CCDC39: variants seen among roughly 807,000 people sequenced by gnomAD.
CCDC39 encodes coiled-coil domain-containing protein 39.
In CCDC39, 113 loss-of-function variants were observed where a neutral mutation model predicts 121.0. The observed-to-expected ratio is 0.93, with a 90% CI of 0.80 to 1.09. The LOEUF (loss-of-function observed/expected upper bound fraction) is 1.09. Ranked by LOEUF, CCDC39 falls within the 50% of genes least tolerant of loss-of-function variation. The probability of loss-of-function intolerance (pLI) is 0.00; values close to 1 mark genes in which losing one functional copy is unlikely to be tolerated. For missense variants in CCDC39, 1,063 were observed against 1,074.7 expected (o/e 0.99, Z 0.15); for synonymous variants, 349 against 352.2 (o/e 0.99, Z 0.10).
rs140931937 is a variant in CCDC39, at chr3:180,669,088, T to A, written c.91-5102A>T. On this transcript the variant is annotated intron_variant, in intron 1 of 19. Transcript: ENST00000476379. The stretch of plus-strand genomic sequence containing the variant: ...TTCATAACTCTTTTTTCAAAACAAA[T>A]AGCAATAGACCATTCATTAAATAGT... Among the ~76,000 whole-genome samples the A allele has an allele frequency of 4.0e-3, 608 of 152,300 alleles. 10 individuals are homozygous for A. Among genetic ancestry groups the A allele is most frequent in the African/African-American group, 0.014 (577 of 41,570 alleles).
chr3:180,664,748 T>A (rs1272620789), intron 1 of CCDC39, among the ~76,000 whole-genome samples: 2 of 150,736 alleles, frequency 1.3e-5, no homozygotes, highest in East Asian at 1.9e-4. Flanking sequence ...CAGGCTGGAG[T>A]GCAGTGGCGC....
intron 11 of CCDC39, 44 bp from the exon 12 acceptor site, chr3:180,644,301 T>G (rs1718024409): frequency 8.2e-7 from 1 of 1,223,594 alleles, no homozygotes. Flanking sequence ...TTTTAAATAT[T>G]GACAAAAATA....
chr3:180,633,456 T>C (rs1717747526), intron 13 of CCDC39, among the ~76,000 whole-genome samples: 1 of 151,972 alleles, frequency 6.6e-6, no homozygotes, highest in African/African-American at 2.4e-5. Context: ...AAAGGACTAA[T>C]GAAAGAATAA....
At position 180,677,166 on chromosome 3, in the gene CCDC39, TTTTATATATATATATATATATATATA is replaced by T. The variant is rs1183562947; in HGVS notation, c.90+2099_90+2124del. Among the ~76,000 whole-genome samples, 15 of 40,920 alleles carry T rather than the reference TTTTATATATATATATATATATATATA, an allele frequency of 3.7e-4. 1 individual carries two copies. Among genetic ancestry groups the T allele is most frequent in the African/African-American group, 1.7e-3 (15 of 8,664 alleles). 26.8% of individuals were successfully genotyped at this position (40,920 alleles called of 152,430 possible). A position where few individuals can be genotyped will look rare whatever the true frequency, so the allele number is the denominator to read the frequency against. On this transcript the variant is annotated intron_variant, in intron 1 of 19. Coordinates refer to ENST00000476379, the MANE Select transcript of CCDC39 (RefSeq NM_181426.2). ...ATTATAATAATAATAATAATAATAATTTTATATATATATATATATATATATATATATATATATATATATATATATAA... is the reference window on the plus strand; with the variant it reads ...ATTATAATAATAATAATAATAATAATTATATATATATATATATATATATAA...
At chr3:180,675,395 C>T (rs180783300) in intron 1 of CCDC39, among the ~76,000 whole-genome samples, 26 of 152,152 alleles carry the variant, frequency 1.7e-4, no homozygotes, top group East Asian at 1.4e-3. Context: ...GTCTTGCTAG[C>T]GGTCTATCAA....
At chr3:180,622,783 T>C (rs1717460528) in intron 14 of CCDC39, among the ~76,000 whole-genome samples, 1 of 152,130 alleles carries the variant, frequency 6.6e-6, no homozygotes, top group African/African-American at 2.4e-5. Flanking sequence ...TGGTGTATTA[T>C]CTTCCTGATG....
intron 1 of CCDC39, among the ~76,000 whole-genome samples, chr3:180,665,274 T>G (rs2108431634): frequency 6.6e-6 from 1 of 152,282 alleles, no homozygotes; most frequent in South Asian, 2.1e-4. Flanking sequence ...TTAAACAAAA[T>G]AAATCCTTGG....
At chr3:180,655,058 C>A (rs1338506577) in intron 6 of CCDC39, 105 bp from the exon 7 acceptor site, 5 of 673,622 alleles carry the variant, frequency 7.4e-6, no homozygotes, top group Admixed American at 4.1e-5. Flanking sequence ...ACTTATTTTA[C>A]CAAAACTTCT....
intron 2 of CCDC39, among the ~76,000 whole-genome samples, chr3:180,662,986 A>T (rs145334516): frequency 6.6e-6 from 1 of 152,210 alleles, no homozygotes; most frequent in Non-Finnish European, 1.5e-5. Context: ...GCTGGGCATC[A>T]TTAGGGAGTG....
chr3:180,623,616 C>A (rs1717485384), intron 14 of CCDC39, among the ~76,000 whole-genome samples: 1 of 151,790 alleles, frequency 6.6e-6, no homozygotes, highest in Admixed American at 6.6e-5. Flanking sequence ...CCTTAGCATT[C>A]CTTTTGCTCT....
chr3:180,617,574 G>C (rs903950002), intron 16 of CCDC39: 24 of 539,022 alleles, frequency 4.5e-5, no homozygotes, highest in Non-Finnish European at 7.3e-5. Context: ...GTAGGCTTAG[G>C]TTTATGTGTG....
At position 180,659,776 on chromosome 3, in the gene CCDC39, T is replaced by A. The variant is rs1336579997; in HGVS notation, c.517-7A>T. 7.7e-6 allele frequency: 12 copies of A among 1,564,752 alleles called. No individual in the cohort carries two copies. The highest frequency in any genetic ancestry group is 1.1e-5 in the Non-Finnish European group (12 of 1,138,826). The stretch of plus-strand genomic sequence containing the variant: ...CTAATTGCAGAGTCAGTGCCTATGA[T>A]GTAATTATATACAGATACTTATAAT... On this transcript the variant is annotated splice_polypyrimidine_tract_variant and splice_region_variant and intron_variant, in intron 4 of 19. Coordinates refer to ENST00000476379, the MANE Select transcript of CCDC39 (RefSeq NM_181426.2).
At position 180,631,574 on chromosome 3, in the gene CCDC39, C is replaced by A; in HGVS notation, c.1893G>T (p.Arg631=). ...TCTTCAGCTTCTCAATTTTACTTAG[C>A]CGCTCGCGAAACTCAGTGCTAATAA... is the stretch of plus-strand genomic sequence containing the variant. The part of the protein sequence containing the change: ...RENISTEFRE[R]LSKIEKLKNR... The change falls in exon 14 of 20, where the codon CGG becomes CGT. Residue 631 remains arginine (R), a synonymous_variant. Transcript: ENST00000476379. 6.2e-7 allele frequency: 1 copy of A among 1,607,578 alleles called. No individual in the cohort carries two copies. The highest frequency in any genetic ancestry group is 8.5e-7 in the Non-Finnish European group (1 of 1,179,110).
At position 180,657,380 on chromosome 3, in the gene CCDC39, C is replaced by A. The variant is rs112103558; in HGVS notation, c.738+2072G>T. ...TGTGTATTCTGCCAAATCAGCTGACCGAGTTACTTTAGCCATGGGGTTGTA... is the reference window on the plus strand; with the variant it reads ...TGTGTATTCTGCCAAATCAGCTGACAGAGTTACTTTAGCCATGGGGTTGTA... On this transcript the variant is annotated intron_variant, in intron 6 of 19. Coordinates refer to ENST00000476379, the MANE Select transcript of CCDC39 (RefSeq NM_181426.2). Among the ~76,000 whole-genome samples the A allele has an allele frequency of 4.4e-3, 671 of 152,096 alleles. 6 individuals carry two copies. Among genetic ancestry groups the A allele is most frequent in the African/African-American group, 0.015 (642 of 41,478 alleles).
In CCDC39 at chr3:180,661,790, A is replaced by G; in HGVS notation, c.357+71T>C. On this transcript the variant is annotated intron_variant, in intron 3 of 19. Transcript: ENST00000476379. ...TGCCTTTCCCATACAAGAAAAAAAA[A>G]AGTCAATGCTCATTTGGTGATGGAA... is the stretch of plus-strand genomic sequence containing the variant. 8 of 1,400,678 alleles carry G rather than the reference A, an allele frequency of 5.7e-6. No homozygotes were observed. The South Asian group carries it at 9.6e-5, about 17-fold the overall frequency. The allele number at this position is 1,400,678 out of a possible 1,614,324, so 86.8% of individuals were successfully genotyped here. A position where few individuals can be genotyped will look rare whatever the true frequency, so the allele number is the denominator to read the frequency against.
At chr3:180,676,995 G>T (rs13061813) in intron 1 of CCDC39, among the ~76,000 whole-genome samples, 28,186 of 150,436 alleles carry the variant, frequency 0.19, 2,870 homozygotes, top group East Asian at 0.4. Flanking sequence ...GGGGCCTGTT[G>T]TGGGGTGTGG....
chr3:180,628,374 A>AT (rs767586546), intron 14 of CCDC39, among the ~76,000 whole-genome samples: 14 of 152,044 alleles, frequency 9.2e-5, no homozygotes, highest in Non-Finnish European at 1.9e-4. Context: ...CACCCGGCTA[A>AT]TTTTTTGTAT....
chr3:180,640,312 G>A (rs561517828), intron 13 of CCDC39, among the ~76,000 whole-genome samples: 2 of 152,088 alleles, frequency 1.3e-5, no homozygotes, highest in Non-Finnish European at 2.9e-5. Context: ...TTAATTTCTT[G>A]TGGGATGCAG....
intron 11 of CCDC39, among the ~76,000 whole-genome samples, chr3:180,646,191 G>C (rs1332023206): frequency 6.6e-6 from 1 of 151,376 alleles, no homozygotes; most frequent in Non-Finnish European, 1.5e-5. Context: ...CCAAAAACAA[G>C]TATTTTTTTC....
Sources: gnomAD v4.1 joint callset for allele counts (sites outside exome capture counted in the v4.1 genomes callset) on GRCh38, gnomAD v4.1.1 for gene constraint, MANE v1.5 for transcripts, NCBI Gene and HGNC (gene_info 2026-07-23, HGNC 2026-07-21) for gene names.